OXR1: variants seen among roughly 807,000 people sequenced by gnomAD.
OXR1 encodes the protein oxidation resistance protein 1.
Under a neutral mutation model 104.6 loss-of-function variants are expected in OXR1, and 41 were observed. The observed-to-expected ratio is 0.39, with a 90% CI of 0.31 to 0.51. The LOEUF (loss-of-function observed/expected upper bound fraction) is 0.51. Among genes scored for constraint, OXR1 ranks in the 20% least tolerant of loss-of-function variants. OXR1 has a pLI of 0.77. For synonymous variants in OXR1, 348 were observed against 348.4 expected (o/e 1.00, Z 0.01); for missense variants, 955 against 1,031.9 (o/e 0.93, Z 1.02).
At chr8:106,335,129 C>T (rs1321026579) in intron 1 of OXR1, among the ~76,000 whole-genome samples, 1 of 152,094 alleles carries the variant, frequency 6.6e-6, no homozygotes, top group East Asian at 1.9e-4. Context: ...TCTGTCCTTT[C>T]CATGTGTTGT....
At chr8:106,531,401 G>A (rs1814085461) in intron 3 of OXR1, among the ~76,000 whole-genome samples, 1 of 152,114 alleles carries the variant, frequency 6.6e-6, no homozygotes, top group African/African-American at 2.4e-5. Context: ...TTGCCTCCCT[G>A]CTGCATTTCA....
At chr8:106,610,042 A>T (rs1005667395) in intron 3 of OXR1, among the ~76,000 whole-genome samples, 5 of 152,118 alleles carry the variant, frequency 3.3e-5, no homozygotes, top group Admixed American at 2.6e-4. Flanking sequence ...CATAAATCCA[A>T]TTGTTCACTA....
chr8:106,738,775 C>T (rs1354706296), intron 12 of OXR1, among the ~76,000 whole-genome samples: 2 of 151,328 alleles, frequency 1.3e-5, no homozygotes, highest in African/African-American at 2.4e-5. Context: ...AGCATGTATT[C>T]TTTGTAATGC....
At chr8:106,707,796 A>G (rs1362624485) in intron 9 of OXR1, 1 of 152,336 alleles carries the variant, frequency 6.6e-6, no homozygotes, top group Non-Finnish European at 1.5e-5. Flanking sequence ...GGGTATAACA[A>G]CTAACTTAGC....
chr8:106,445,610 T>G (rs1018314942), intron 2 of OXR1, among the ~76,000 whole-genome samples: 1 of 152,200 alleles, frequency 6.6e-6, no homozygotes, highest in Non-Finnish European at 1.5e-5. Flanking sequence ...ACCATGTCCA[T>G]CATCTGTTGC....
chr8:106,364,951 T>C (rs1378358696), intron 2 of OXR1, among the ~76,000 whole-genome samples: 3 of 152,178 alleles, frequency 2.0e-5, no homozygotes, highest in Non-Finnish European at 1.5e-5. Context: ...CTAATGTACT[T>C]GTATTTGCAA....
Position 106,679,229 on chromosome 8 carries a change from C to T in OXR1, c.240C>T (p.Thr80=), listed in dbSNP as rs375904891. ...TCCCAGACACTGGCCAAAAGAAGAC[C>T]CTAGACAAGAAAGATGGAAGACGAA... is the stretch of plus-strand genomic sequence containing the variant. ...FYTIDTGQKK[T]LDKKDGRRMS... The change falls in exon 4 of 17, where the codon ACC becomes ACT. Residue 80 remains threonine, a synonymous_variant. Coordinates refer to ENST00000517566, the MANE Select transcript of OXR1 (RefSeq NM_001198533.2). 11 of 1,608,626 alleles carry T rather than the reference C, an allele frequency of 6.8e-6. No individual in the cohort carries two copies. The highest frequency in any genetic ancestry group is 8.5e-6 in the Non-Finnish European group (10 of 1,176,034).
At chr8:106,414,250 G>A (rs750734935) in intron 2 of OXR1, among the ~76,000 whole-genome samples, 3 of 152,010 alleles carry the variant, frequency 2.0e-5, no homozygotes, top group Admixed American at 6.6e-5. Flanking sequence ...TATCAGTGAC[G>A]GCAGATAGTT....
chr8:106,685,544 A>T (rs761062163), intron 6 of OXR1, among the ~76,000 whole-genome samples: 1 of 152,160 alleles, frequency 6.6e-6, no homozygotes, highest in Non-Finnish European at 1.5e-5. Context: ...ACCCCTTCTT[A>T]CTTTTGCCAT....
intron 2 of OXR1, among the ~76,000 whole-genome samples, chr8:106,512,655 C>T (rs569499843): frequency 6.6e-6 from 1 of 152,034 alleles, no homozygotes; most frequent in African/African-American, 2.4e-5. Flanking sequence ...AGTATTTAGA[C>T]CAGATTACAA....
At chr8:106,516,368 A>T (rs1812860237) in intron 2 of OXR1, among the ~76,000 whole-genome samples, 1 of 151,916 alleles carries the variant, frequency 6.6e-6, no homozygotes, top group Non-Finnish European at 1.5e-5. Context: ...TTTACTTATC[A>T]CCTGTCTCCC....
chr8:106,694,533 A>T (rs185335481), intron 7 of OXR1, among the ~76,000 whole-genome samples: 2,927 of 131,280 alleles, frequency 0.022, 42 homozygotes, highest in East Asian at 0.041. Flanking sequence ...AAATATGTTT[A>T]TATATATTTG....
chr8:106,412,380 G>T (rs1286089540), intron 2 of OXR1, among the ~76,000 whole-genome samples: 1 of 152,068 alleles, frequency 6.6e-6, no homozygotes, highest in Non-Finnish European at 1.5e-5. Context: ...CTCAAACTGG[G>T]CTGTAAATAT....
At chr8:106,506,330 T>C (rs1391572794) in intron 2 of OXR1, among the ~76,000 whole-genome samples, 3 of 152,130 alleles carry the variant, frequency 2.0e-5, no homozygotes. Flanking sequence ...ACAGAGAGTT[T>C]TGGCCAGGCG....
intron 3 of OXR1, among the ~76,000 whole-genome samples, chr8:106,599,786 C>A (rs117887802): frequency 1.3e-5 from 2 of 152,252 alleles, no homozygotes; most frequent in Non-Finnish European, 2.9e-5. Flanking sequence ...AGTCCCCAAC[C>A]TTTTCGGTAT....
At position 106,359,739 on chromosome 8, in the gene OXR1, A is replaced by G. The variant is rs867488400; in HGVS notation, c.23+103A>G. 17 of 841,466 alleles carry G rather than the reference A, an allele frequency of 2.0e-5. No individual in the cohort carries two copies. The Middle Eastern group carries it at 2.0e-3, about 97-fold the overall frequency. The allele number at this position is 841,466 out of a possible 1,614,324, so 52.1% of individuals were successfully genotyped here. A position where few individuals can be genotyped will look rare whatever the true frequency, so the allele number is the denominator to read the frequency against. ...CAGAACTTGGGCAGAGAGAAAACTT[A>G]AAAATCTGGTTTCCAAAGATTATTG... On this transcript the variant is annotated intron_variant, in intron 2 of 16. Transcript: ENST00000517566.
intron 1 of OXR1, among the ~76,000 whole-genome samples, chr8:106,329,173 G>A (rs1814605529): frequency 6.6e-6 from 1 of 151,114 alleles, no homozygotes; most frequent in Non-Finnish European, 1.5e-5. Flanking sequence ...TGTATTTTTA[G>A]TAAAGACGGG....
At chr8:106,322,333 G>A (rs1045817352) in intron 1 of OXR1, among the ~76,000 whole-genome samples, 11 of 152,094 alleles carry the variant, frequency 7.2e-5, no homozygotes, top group Admixed American at 3.3e-4. Context: ...AAAGGCTTTC[G>A]ATAAAATTCA....
rs569468063 is a variant in OXR1, at chr8:106,587,467, ATATCT to A, written c.220+68331_220+68335del. On this transcript the variant is annotated intron_variant, in intron 3 of 16. Transcript: ENST00000517566. ...TTTCACTTGAAGCTCACACTCATAA[ATATCT>A]TAGCAAAGCTTGCTTATCATTATGA... 9.7e-4 allele frequency among the ~76,000 whole-genome samples: 148 copies of A among 152,352 alleles called. 1 individual carries two copies. Among genetic ancestry groups the A allele is most frequent in the African/African-American group, 3.4e-3 (143 of 41,572 alleles).
Sources: allele counts gnomAD v4.1 joint callset (sites outside exome capture counted in the v4.1 genomes callset), GRCh38; gene constraint gnomAD v4.1.1; transcripts MANE v1.5; gene names NCBI Gene and HGNC (gene_info 2026-07-23, HGNC 2026-07-21).